The following OAS1 variants were observed in gnomAD, a reference collection of about 807,000 sequenced individuals.
The protein encoded by OAS1 is 2'-5'-oligoadenylate synthetase 1.
In OAS1, 24 loss-of-function variants were observed where a neutral mutation model predicts 38.5. The observed-to-expected ratio is 0.62, with a 90% CI of 0.45 to 0.88. OAS1 has a LOEUF of 0.88. Ranked by LOEUF, OAS1 falls within the 40% of genes least tolerant of loss-of-function variation. The probability of loss-of-function intolerance (pLI) is 0.00; values close to 1 mark genes in which losing one functional copy is unlikely to be tolerated. For synonymous variants in OAS1, 169 were observed against 193.9 expected, an observed-to-expected ratio of 0.87 and a Z score of 1.07; for missense variants, 482 against 493.9, an observed-to-expected ratio of 0.98 and a Z score of 0.23.
downstream of OAS1, among the ~76,000 whole-genome samples, chr12:112,921,145 G>T (rs776671651): frequency 1.3e-5 from 2 of 152,164 alleles, no homozygotes; most frequent in African/African-American, 4.8e-5. Flanking sequence ...TGTCCTATTT[G>T]TAGACTGGAT....
chr12:112,908,405 A>G, intron 1 of OAS1, 131 bp from the exon 2 acceptor site: 1 of 774,972 alleles, frequency 1.3e-6, no homozygotes, highest in East Asian at 2.7e-5. Context: ...TGAGCATTAT[A>G]GGAGTTTAAG....
chr12:112,911,308 A>C, intron 3 of OAS1, 73 bp downstream of exon 3: 2 of 1,221,824 alleles, frequency 1.6e-6, no homozygotes, highest in Non-Finnish European at 1.1e-6. Context: ...GGAGGAGAGA[A>C]AGAAGGGAGT....
In OAS1 at chr12:112,919,400, C is replaced by T. The variant is rs374299562; in HGVS notation, c.1050C>T (p.Asn350=). The T allele has an allele frequency of 8.1e-6, 13 of 1,612,802 alleles. No homozygotes were observed. Among genetic ancestry groups the T allele is most frequent in the Non-Finnish European group, 1.0e-5 (12 of 1,179,140 alleles). Residue 350 remains asparagine (N), a synonymous_variant, in exon 6 of 6, where the codon AAC becomes AAT. Coordinates refer to ENST00000202917, the MANE Select transcript of OAS1 (RefSeq NM_016816.4). ...VSSWILLAES[N]SADDETDDPR... is the part of the protein sequence containing the mutation. Reference sequence around the variant, plus strand: ...TCTCACCCTTTCAGGCTGAAAGCAACAGTGCAGACGATGAGACCGACGATC... The same window carrying T: ...TCTCACCCTTTCAGGCTGAAAGCAATAGTGCAGACGATGAGACCGACGATC...
chr12:112,909,378 G>C (rs746914692), intron 2 of OAS1, among the ~76,000 whole-genome samples: 1 of 152,192 alleles, frequency 6.6e-6, no homozygotes, highest in Non-Finnish European at 1.5e-5. Flanking sequence ...GGAACTTCCA[G>C]CCAAGTGTGG....
At chr12:112,924,463 A>ATT (rs2043547286), downstream of OAS1, among the ~76,000 whole-genome samples, 2 of 64,168 alleles carry the variant, frequency 3.1e-5, no homozygotes, top group African/African-American at 3.8e-4. Context: ...TAACATCTAT[A>ATT]TTTTATATAT....
At chr12:112,913,033 T>TTTCCAAAG (rs998164766) in intron 3 of OAS1, among the ~76,000 whole-genome samples, 4 of 152,356 alleles carry the variant, frequency 2.6e-5, no homozygotes, top group African/African-American at 9.6e-5. Flanking sequence ...TTTTCCTAAA[T>TTTCCAAAG]GATCATGCAT....
intron 4 of OAS1, chr12:112,917,040 C>G (rs2043470463): frequency 2.6e-6 from 1 of 382,848 alleles, no homozygotes. Flanking sequence ...GAAATAAGAA[C>G]AGCAGCAACA....
downstream of OAS1, chr12:112,933,086 G>C (rs1565970172): frequency 6.6e-6 from 1 of 152,210 alleles, no homozygotes; most frequent in Non-Finnish European, 1.5e-5. Flanking sequence ...AGTGGCATCA[G>C]CTCCTGGAAG....
chr12:112,915,728 A>G (rs1172694768), intron 3 of OAS1, among the ~76,000 whole-genome samples: 1 of 152,134 alleles, frequency 6.6e-6, no homozygotes. Context: ...CATTTTCACA[A>G]TATTGATTCT....
downstream of OAS1, among the ~76,000 whole-genome samples, chr12:112,923,965 A>G (rs1276474046): frequency 6.6e-6 from 1 of 152,236 alleles, no homozygotes; most frequent in Admixed American, 6.5e-5. Context: ...CTACTAGAAG[A>G]AAACTTAGGG....
chr12:112,916,468 G>C (rs1319712333), intron 3 of OAS1, 41 bp from the exon 4 acceptor site: 1 of 1,561,526 alleles, frequency 6.4e-7, no homozygotes, highest in Non-Finnish European at 8.8e-7. Context: ...CACAAAAGTT[G>C]AGCAAACCAA....
chr12:112,910,337 C>A (rs2043357826), intron 2 of OAS1, among the ~76,000 whole-genome samples: 1 of 151,850 alleles, frequency 6.6e-6, no homozygotes, highest in South Asian at 2.1e-4. Flanking sequence ...CATTGCACTC[C>A]AGCCTGGGCA....
downstream of OAS1, chr12:112,932,609 A>G (rs568612893): frequency 2.6e-5 from 4 of 152,534 alleles, no homozygotes; most frequent in African/African-American, 9.6e-5. Context: ...ACAAAAACAA[A>G]CAAGCAAAAA....
At chr12:112,911,321 A>T in intron 3 of OAS1, 86 bp downstream of exon 3, 1 of 924,632 alleles carries the variant, frequency 1.1e-6, no homozygotes, top group Non-Finnish European at 1.6e-6. Context: ...AAGGGAGTGA[A>T]GGGAAGAGGA....
At chr12:112,915,511 G>A (rs1458077449) in intron 3 of OAS1, among the ~76,000 whole-genome samples, 1 of 152,086 alleles carries the variant, frequency 6.6e-6, no homozygotes, top group Admixed American at 6.5e-5. Context: ...ATGTTGTTTT[G>A]GTGACTATGG....
chr12:112,925,121 A>G (rs952937347), intron 6 of OAS1, among the ~76,000 whole-genome samples: 1 of 152,206 alleles, frequency 6.6e-6, no homozygotes, highest in Non-Finnish European at 1.5e-5. Context: ...AAATTAGGGC[A>G]CAGCTGGAAG....
chr12:112,920,334 A>G (rs2043521535), downstream of OAS1, among the ~76,000 whole-genome samples: 1 of 152,218 alleles, frequency 6.6e-6, no homozygotes, highest in Admixed American at 6.5e-5. Context: ...GTCTAAATCT[A>G]CATGTGCTGT....
At chr12:112,915,339 C>T (rs942237916) in intron 3 of OAS1, among the ~76,000 whole-genome samples, 1 of 152,162 alleles carries the variant, frequency 6.6e-6, no homozygotes, top group African/African-American at 2.4e-5. Context: ...CTACATGCAA[C>T]TTGCCAATTA....
At chr12:112,921,545 G>T (rs112630670), downstream of OAS1, among the ~76,000 whole-genome samples, 7 of 152,304 alleles carry the variant, frequency 4.6e-5, 1 homozygote, top group African/African-American at 1.7e-4. Context: ...AGACATTTTT[G>T]CTGCAAATGA....
Sources: gnomAD v4.1 joint callset for allele counts (sites outside exome capture counted in the v4.1 genomes callset) on GRCh38, gnomAD v4.1.1 for gene constraint, MANE v1.5 for transcripts, NCBI Gene and HGNC (gene_info 2026-07-23, HGNC 2026-07-21) for gene names.